The following ACOX2 variants were observed in gnomAD, a reference collection of about 807,000 sequenced individuals.
ACOX2 encodes acyl-CoA oxidase 2, also known as peroxisomal acyl-coenzyme A oxidase 2.
ACOX2 carries 59 observed loss-of-function variants against 77.5 expected under a neutral mutation model. That is an observed-to-expected ratio of 0.76 (90% CI 0.62 to 0.95). The LOEUF (loss-of-function observed/expected upper bound fraction) is 0.95. Ranked by LOEUF, ACOX2 falls within the 40% of genes least tolerant of loss-of-function variation. The pLI, the probability that ACOX2 is intolerant of heterozygous loss-of-function variation, is 0.00. For synonymous variants in ACOX2, 317 were observed against 340.1 expected (o/e 0.93, Z 0.75); for missense variants, 837 against 880.4 (o/e 0.95, Z 0.62).
chr3:58,522,232 A>C lies in ACOX2; in HGVS notation c.1632+264T>G, dbSNP rs1038229108. Among the ~76,000 whole-genome samples, 1 of 152,224 alleles carries C rather than the reference A, an allele frequency of 6.6e-6. No individual in the cohort carries two copies. Among genetic ancestry groups the C allele is most frequent in the African/African-American group, 2.4e-5 (1 of 41,450 alleles). On this transcript the variant is annotated intron_variant, in intron 12 of 14. Transcript: ENST00000302819. This position sits in a 1 kb window ranked among gnomAD's most constrained non-coding sequence, Gnocchi z 4.3. The stretch of plus-strand genomic sequence containing the variant: ...AAGGGGAGACTTGACCTGCTTTTCT[A>C]TCTGGGAGGAAATATTTGAACAACC...
chr3:58,511,920 C>T (rs1329771221), intron 13 of ACOX2, among the ~76,000 whole-genome samples: 2 of 152,210 alleles, frequency 1.3e-5, no homozygotes, highest in Non-Finnish European at 2.9e-5. Flanking sequence ...GCTCTTGCCA[C>T]GGTTACTTCC....
chr3:58,535,337 A>C lies in ACOX2; in HGVS notation c.-91-140T>G. ...TGGCTGTGGACCAGGCACTGTGTGCATGGTAGGCATGGTATGCAGCCATTG... is the reference window on the plus strand; with the variant it reads ...TGGCTGTGGACCAGGCACTGTGTGCCTGGTAGGCATGGTATGCAGCCATTG... On this transcript the variant is annotated intron_variant, in intron 1 of 14. Coordinates refer to ENST00000302819, the MANE Select transcript of ACOX2 (RefSeq NM_003500.4). This position sits in a 1 kb window ranked among gnomAD's most constrained non-coding sequence, Gnocchi z 4.8. The C allele has an allele frequency of 1.7e-6, 1 of 576,332 alleles. No homozygotes were observed. Among genetic ancestry groups the C allele is most frequent in the Non-Finnish European group, 3.1e-6 (1 of 322,626 alleles). The allele number at this position is 576,332 out of a possible 1,614,324, so 35.7% of individuals were successfully genotyped here. A position where few individuals can be genotyped will look rare whatever the true frequency, so the allele number is the denominator to read the frequency against.
At chr3:58,507,563 T>C (rs925769669) in intron 14 of ACOX2, among the ~76,000 whole-genome samples, 3 of 152,190 alleles carry the variant, frequency 2.0e-5, no homozygotes, top group Admixed American at 6.6e-5. Flanking sequence ...TGACAGGTGT[T>C]ATAGCAGGGC....
In ACOX2 at chr3:58,533,491, C is replaced by T. The variant is rs769788436; in HGVS notation, c.537G>A (p.Val179=). 6.8e-6 allele frequency: 11 copies of T among 1,613,872 alleles called. No individual in the cohort carries two copies. The highest frequency in any genetic ancestry group is 2.2e-5 in the South Asian group (2 of 91,072). The change falls in exon 5 of 15, where the codon GTG becomes GTA. Residue 179 remains valine (V), a synonymous_variant. Coordinates refer to ENST00000302819, the MANE Select transcript of ACOX2 (RefSeq NM_003500.4). This position sits in a 1 kb window ranked among gnomAD's most constrained non-coding sequence, Gnocchi z 5.6. The stretch of plus-strand genomic sequence containing the variant: ...TGGCAGTCAGCGTGGGGCTGTGTAT[C>T]ACAAACTCCTGGGTGGCTGCGTCAT... ...ATYDAATQEF[V]IHSPTLTATK...
At position 58,515,311 on chromosome 3, in the gene ACOX2, G is replaced by C. The variant is rs1432353740; in HGVS notation, c.1850+1895C>G. On this transcript the variant is annotated intron_variant, in intron 13 of 14. Transcript: ENST00000302819. The surrounding 1 kb of genome is among the most constrained non-coding windows in gnomAD (Gnocchi z 4.0). ...GCTGGGATTGCAGGTATTAGCCACC[G>C]CGCCTGGCCTGAACAAACATTTTTT... is the stretch of plus-strand genomic sequence containing the variant. 6.6e-6 allele frequency among the ~76,000 whole-genome samples: 1 copy of C among 152,114 alleles called. No individual in the cohort carries two copies. Among genetic ancestry groups the C allele is most frequent in the African/African-American group, 2.4e-5 (1 of 41,424 alleles).
In ACOX2 at chr3:58,526,606, G is replaced by A. The variant is rs570151281; in HGVS notation, c.1206C>T (p.Thr402=). Reference sequence around the variant, plus strand: ...CCCTGCGGCACATCTCAGCTCCCTGGGTGCAGAATTCTGACATCATGGCCT... The same window carrying A: ...CCCTGCGGCACATCTCAGCTCCCTGAGTGCAGAATTCTGACATCATGGCCT... ...GMKAMMSEFC[T]QGAEMCRRAC... Residue 402 remains threonine (T), a synonymous_variant, in exon 10 of 15, where the codon ACC becomes ACT. Transcript: ENST00000302819. The surrounding 1 kb of genome is among the most constrained non-coding windows in gnomAD (Gnocchi z 4.3). 1.2e-6 allele frequency: 2 copies of A among 1,614,184 alleles called. No individual in the cohort carries two copies. Among genetic ancestry groups the A allele is most frequent in the South Asian group, 1.1e-5 (1 of 91,082 alleles).
chr3:58,507,561 GTTA>G (rs756693251), intron 14 of ACOX2, among the ~76,000 whole-genome samples: 76 of 152,320 alleles, frequency 5.0e-4, no homozygotes, highest in Admixed American at 3.4e-3. Flanking sequence ...TCTGACAGGT[GTTA>G]TAGCAGGGCG....
At position 58,526,121 on chromosome 3, in the gene ACOX2, G is replaced by T. The variant is rs1272548761; in HGVS notation, c.1346+345C>A. Among the ~76,000 whole-genome samples the T allele has an allele frequency of 2.6e-5, 4 of 152,162 alleles. No homozygotes were observed. The highest frequency in any genetic ancestry group is 6.5e-5 in the Admixed American group (1 of 15,282). ...CATGGACCTTGCAGGCCACAGCATA[G>T]AATATGTCATTTTCCTATGAGCACT... On this transcript the variant is annotated intron_variant, in intron 10 of 14. Transcript: ENST00000302819. This position sits in a 1 kb window ranked among gnomAD's most constrained non-coding sequence, Gnocchi z 4.3.
At position 58,508,998 on chromosome 3, in the gene ACOX2, AG is replaced by A; in HGVS notation, c.1877del (p.Ala626ValfsTer9). The A allele has an allele frequency of 1.2e-6, 2 of 1,614,186 alleles. No individual in the cohort carries two copies. The highest frequency in any genetic ancestry group is 1.7e-6 in the Non-Finnish European group (2 of 1,180,004). ...TTAAACACTGATCGGTGAAGTCAAAAGCATCAGTTAACAGGATGGCATCCTT... is the reference window on the plus strand; with the variant it reads ...TTAAACACTGATCGGTGAAGTCAAAACATCAGTTAACAGGATGGCATCCTT... ...IRKDAILLTD[A>X]FDFTDQCLNS... On this transcript the variant is annotated frameshift_variant, in exon 14 of 15. Coordinates refer to ENST00000302819, the MANE Select transcript of ACOX2 (RefSeq NM_003500.4). LOFTEE classifies it high-confidence loss of function.
chr3:58,510,848 G>A (rs2063281765), intron 13 of ACOX2: 9 of 386,136 alleles, frequency 2.3e-5, no homozygotes, highest in South Asian at 1.8e-4. Flanking sequence ...ATACATGGCT[G>A]GAAAAAACAA....
chr3:58,530,634 A>G lies in ACOX2; in HGVS notation c.824T>C (p.Leu275Ser). 1 of 1,613,974 alleles carries G rather than the reference A, an allele frequency of 6.2e-7. No individual in the cohort carries two copies. Among genetic ancestry groups the G allele is most frequent in the Non-Finnish European group, 8.5e-7 (1 of 1,179,884 alleles). ...GAGTTTGACGTAGGTGCCATCTGGC[A>G]AGACCTGTGTGGAACAAGGACGGGC... ...ENMLSRFAQV[L>S]PDGTYVKLGT... The change falls in exon 8 of 15, where the codon TTG becomes TCG. Residue 275 changes from leucine to serine, a missense_variant. By Grantham distance (145) the Leu-to-Ser change is moderately radical. Transcript: ENST00000302819.
In ACOX2 at chr3:58,531,939, A is replaced by G; in HGVS notation, c.584-127T>C. ...GGGGCCCTGAAAAGTCACTGATCAA[A>G]GAGAGAGGGGATTGCCCCCAAAGAA... On this transcript the variant is annotated intron_variant, in intron 5 of 14. Coordinates refer to ENST00000302819, the MANE Select transcript of ACOX2 (RefSeq NM_003500.4). The surrounding 1 kb of genome is among the most constrained non-coding windows in gnomAD (Gnocchi z 5.8). 2 of 1,355,444 alleles carry G rather than the reference A, an allele frequency of 1.5e-6. No individual in the cohort carries two copies. The highest frequency in any genetic ancestry group is 1.9e-6 in the Non-Finnish European group (2 of 1,034,354). The allele number at this position is 1,355,444 out of a possible 1,614,324, so 84.0% of individuals were successfully genotyped here.
In ACOX2 at chr3:58,526,391, G is replaced by A. The variant is rs112569997; in HGVS notation, c.1346+75C>T. 101 of 1,476,736 alleles carry A rather than the reference G, an allele frequency of 6.8e-5. No homozygotes were observed. The African/African-American group carries it at 8.9e-4, about 13-fold the overall frequency. The allele number at this position is 1,476,736 out of a possible 1,614,324, so 91.5% of individuals were successfully genotyped here. ...CCTGCTCTTTTTATGGGCCTCAGAC[G>A]GAACCCTCCACCCAACAGAAGCTTG... On this transcript the variant is annotated intron_variant, in intron 10 of 14. Coordinates refer to ENST00000302819, the MANE Select transcript of ACOX2 (RefSeq NM_003500.4). This position sits in a 1 kb window ranked among gnomAD's most constrained non-coding sequence, Gnocchi z 4.3.
chr3:58,530,502 T>C lies in ACOX2; in HGVS notation c.956A>G (p.Tyr319Cys). 6.2e-7 allele frequency: 1 copy of C among 1,614,154 alleles called. No individual in the cohort carries two copies. The highest frequency in any genetic ancestry group is 1.1e-5 in the South Asian group (1 of 91,080). The change falls in exon 8 of 15, where the codon TAC (tyrosine) becomes TGC (cysteine). Residue 319 changes from tyrosine (Y) to cysteine (C), a missense_variant. Coordinates refer to ENST00000302819, the MANE Select transcript of ACOX2 (RefSeq NM_003500.4). The stretch of plus-strand genomic sequence containing the variant: ...CCGGGATTGGCGGCGGATGACCGAG[T>C]AGCGCATGGCGATGACACAGGCCTT... ...LQKACVIAMR[Y>C]SVIRRQSRLR...
intron 13 of ACOX2, among the ~76,000 whole-genome samples, chr3:58,513,847 G>A (rs1257464430): frequency 1.3e-5 from 2 of 152,304 alleles, no homozygotes; most frequent in East Asian, 1.9e-4. Flanking sequence ...ACTATGGAGT[G>A]AATTGGGTGG....
chr3:58,515,036 T>C lies in ACOX2; in HGVS notation c.1850+2170A>G, dbSNP rs75234989. On this transcript the variant is annotated intron_variant, in intron 13 of 14. Coordinates refer to ENST00000302819, the MANE Select transcript of ACOX2 (RefSeq NM_003500.4). The surrounding 1 kb of genome is among the most constrained non-coding windows in gnomAD (Gnocchi z 4.0). ...TTTAACTGAACAAACTTTTTTTTTT[T>C]TCTTGAGATGGAGTCTCACTCTTGT... is the stretch of plus-strand genomic sequence containing the variant. Among the ~76,000 whole-genome samples, 1 of 152,200 alleles carries C rather than the reference T, an allele frequency of 6.6e-6. No homozygotes were observed. Among genetic ancestry groups the C allele is most frequent in the African/African-American group, 2.4e-5 (1 of 41,450 alleles).
intron 7 of ACOX2, among the ~76,000 whole-genome samples, 170 bp from the exon 8 acceptor site, chr3:58,530,808 A>G (rs2063433059): frequency 6.6e-6 from 1 of 152,302 alleles, no homozygotes; most frequent in African/African-American, 2.4e-5. Flanking sequence ...CCTGCTTCAC[A>G]GTGCCTCTCC....
chr3:58,528,691 G>A lies in ACOX2; in HGVS notation c.1155+103C>T, dbSNP rs966994537. 1.5e-6 allele frequency: 2 copies of A among 1,373,336 alleles called. No homozygotes were observed. The highest frequency in any genetic ancestry group is 9.6e-7 in the Non-Finnish European group (1 of 1,042,130). The allele number at this position is 1,373,336 out of a possible 1,614,324, so 85.1% of individuals were successfully genotyped here. On this transcript the variant is annotated intron_variant, in intron 9 of 14. Transcript: ENST00000302819. This position sits in a 1 kb window ranked among gnomAD's most constrained non-coding sequence, Gnocchi z 5.6. ...GCTGAAAGCTGGGAGAGGTGGGGGT[G>A]GGGAGTGCCCATGGGGATGGGGCTG...
rs2063461179 is a variant in ACOX2 at position 58,534,124 on chromosome 3, G to T, written c.345C>A (p.Ala115=). 1.9e-6 allele frequency: 3 copies of T among 1,614,142 alleles called. No homozygotes were observed. In the East Asian group the frequency reaches 6.7e-5, roughly 36 times the overall value. ...YAYRALSGDV[A]LNIHRVFVRA... ...TCACGAAGACTCTGTGTATATTTAA[G>T]GCCACGTCTCCAGAAAGGGCTCTGT... The change falls in exon 4 of 15, where the codon GCC becomes GCA. Residue 115 remains alanine (A), a synonymous_variant. Coordinates refer to ENST00000302819, the MANE Select transcript of ACOX2 (RefSeq NM_003500.4). This position sits in a 1 kb window ranked among gnomAD's most constrained non-coding sequence, Gnocchi z 4.8.
Sources: allele counts gnomAD v4.1 joint callset (sites outside exome capture counted in the v4.1 genomes callset), GRCh38; gene constraint gnomAD v4.1.1; non-coding constraint Gnocchi (gnomAD v3.1); transcripts MANE v1.5; gene names NCBI Gene and HGNC (gene_info 2026-07-23, HGNC 2026-07-21).